Variants in BEND2 observed in about 807,000 individuals in gnomAD.
BEND2 encodes the protein BEN domain containing 2, also known as BEN domain-containing protein 2.
Under a neutral mutation model 43.8 loss-of-function variants are expected in BEND2, and 19 were observed. The observed-to-expected ratio is 0.43, with a 90% CI of 0.30 to 0.64. The LOEUF is 0.64. Ranked by LOEUF, BEND2 falls within the 30% of genes least tolerant of loss-of-function variation. The pLI, the probability that BEND2 is intolerant of heterozygous loss-of-function variation, is 0.11. For synonymous variants in BEND2, 226 were observed against 210.1 expected (o/e 1.08, Z -0.66); for missense variants, 544 against 574.0 (o/e 0.95, Z 0.53).
chrX:18,193,701 G>A (rs1924851580), intron 7 of BEND2, among the ~76,000 whole-genome samples: 1 of 111,807 alleles, frequency 8.9e-6, no homozygotes, highest in African/African-American at 3.2e-5. Context: ...TTTACATTAA[G>A]GACGTTGATG....
At chrX:18,168,305 G>A (rs776235113) in intron 13 of BEND2, among the ~76,000 whole-genome samples, 97 of 112,278 alleles carry the variant, frequency 8.6e-4, no homozygotes, top group Non-Finnish European at 1.6e-3. Context: ...CTGCTTGAAG[G>A]CCCAACCTCT....
chrX:18,189,742 T>C (rs1261735946), intron 8 of BEND2, among the ~76,000 whole-genome samples: 2 of 111,506 alleles, frequency 1.8e-5, no homozygotes, highest in African/African-American at 3.3e-5. Context: ...TGAAGAGCCA[T>C]ACATCATTTC....
chrX:18,190,952 A>G, intron 8 of BEND2, 49 bp downstream of exon 8: 2 of 1,045,152 alleles, frequency 1.9e-6, no homozygotes, highest in South Asian at 4.2e-5. Flanking sequence ...GTATTCTTTC[A>G]ATCTAGATTA....
At chrX:18,214,840 G>GA (rs1227095043) in intron 2 of BEND2, among the ~76,000 whole-genome samples, 2 of 83,565 alleles carry the variant, frequency 2.4e-5, no homozygotes, top group African/African-American at 8.8e-5. Context: ...AAAAAAGAAA[G>GA]AAAAAAAAAT....
At chrX:18,177,429 A>C in intron 10 of BEND2, 140 bp downstream of exon 10, 1 of 608,629 alleles carries the variant, frequency 1.6e-6, no homozygotes, top group Admixed American at 3.1e-5. Flanking sequence ...TTGTAAAATC[A>C]GGGTCAGACA....
rs773415870 is a variant in BEND2, at chrX:18,173,628, G to A, written c.1981+402C>T. Among the ~76,000 whole-genome samples, 10 of 111,429 alleles carry A rather than the reference G, an allele frequency of 9.0e-5. No homozygotes were observed. In the South Asian group the frequency reaches 2.3e-3, roughly 26 times the overall value. ...GAGGTGCCTTCAGCAGTTTAGCAGC[G>A]GGAGCACAATGTTCTGAGAGATGAG... is the stretch of plus-strand genomic sequence containing the variant. On this transcript the variant is annotated intron_variant, in intron 12 of 13. Coordinates refer to ENST00000380033, the MANE Select transcript of BEND2 (RefSeq NM_153346.5).
At chrX:18,205,823 G>A (rs766861463) in intron 4 of BEND2, among the ~76,000 whole-genome samples, 18 of 110,445 alleles carry the variant, frequency 1.6e-4, no homozygotes, top group Non-Finnish European at 3.0e-4. Context: ...CTCTGGAGTC[G>A]GAAACTCTGA....
At chrX:18,216,795 G>T in intron 1 of BEND2, 62 bp from the exon 2 acceptor site, 1 of 875,647 alleles carries the variant, frequency 1.1e-6, no homozygotes, top group Non-Finnish European at 1.6e-6. Flanking sequence ...GTTTCTTGAG[G>T]AAGCTACCTT....
chrX:18,215,899 G>C (rs994258247), intron 2 of BEND2, among the ~76,000 whole-genome samples: 5 of 112,217 alleles, frequency 4.5e-5, no homozygotes, highest in Non-Finnish European at 9.4e-5. Flanking sequence ...CTCTGTACAA[G>C]TGAGGATGTG....
rs1380264004 is a variant in BEND2 at position 18,194,208 on chromosome X, CTGTT to C, written c.1180+1084_1180+1087del. On this transcript the variant is annotated intron_variant, in intron 7 of 13. Transcript: ENST00000380033. ...ACAATAGTACAGCCTCTCTAGGAAA[CTGTT>C]TGGCAGTTTCTTATAAAACTAAACA... Among the ~76,000 whole-genome samples the C allele has an allele frequency of 3.6e-5, 4 of 111,701 alleles. No individual in the cohort carries two copies. The South Asian group carries it at 1.1e-3, about 31-fold the overall frequency.
intron 7 of BEND2, among the ~76,000 whole-genome samples, chrX:18,194,107 G>GAAGA (rs1372008347): frequency 8.9e-6 from 1 of 111,779 alleles, no homozygotes; most frequent in East Asian, 2.8e-4. Context: ...TATCAGGAAG[G>GAAGA]AAGAAAGAAT....
At chrX:18,204,627 C>T (rs748112424) in intron 4 of BEND2, among the ~76,000 whole-genome samples, 1 of 111,996 alleles carries the variant, frequency 8.9e-6, no homozygotes, top group South Asian at 3.8e-4. Context: ...CAAAAGTTCT[C>T]AAGCCATCAG....
At chrX:18,184,344 T>C (rs1924499635) in intron 8 of BEND2, among the ~76,000 whole-genome samples, 1 of 111,464 alleles carries the variant, frequency 9.0e-6, no homozygotes, top group Non-Finnish European at 1.9e-5. Flanking sequence ...TAGCCGGGCA[T>C]GGTGATGCAC....
At chrX:18,173,867 C>G (rs1053036105) in intron 12 of BEND2, among the ~76,000 whole-genome samples, 163 bp downstream of exon 12, 1 of 112,021 alleles carries the variant, frequency 8.9e-6, no homozygotes, top group Non-Finnish European at 1.9e-5. Context: ...ATTTCATTAA[C>G]TCATTAATAA....
At chrX:18,189,590 G>A (rs925008215) in intron 8 of BEND2, among the ~76,000 whole-genome samples, 1 of 111,508 alleles carries the variant, frequency 9.0e-6, no homozygotes, top group Non-Finnish European at 1.9e-5. Flanking sequence ...AATGTGATAT[G>A]TCATATGAAC....
At chrX:18,178,471 A>G (rs1447062602) in intron 9 of BEND2, among the ~76,000 whole-genome samples, 2 of 112,265 alleles carry the variant, frequency 1.8e-5, no homozygotes, top group African/African-American at 6.5e-5. Flanking sequence ...GCTCTAAACC[A>G]TGAATCTTCT....
chrX:18,183,267 C>T (rs1207381855), intron 8 of BEND2, among the ~76,000 whole-genome samples: 1 of 110,026 alleles, frequency 9.1e-6, no homozygotes, highest in Non-Finnish European at 1.9e-5. Context: ...GAATTGAAAT[C>T]ATATAGAGTA....
chrX:18,185,122 A>C (rs1047204450), intron 8 of BEND2, among the ~76,000 whole-genome samples: 1 of 110,159 alleles, frequency 9.1e-6, no homozygotes, highest in Non-Finnish European at 1.9e-5. Flanking sequence ...AAAAGACAAA[A>C]GAAAAAAGAA....
rs1417999751 is a variant in BEND2, at chrX:18,203,776, A to G, written c.632T>C (p.Ile211Thr). 2 of 1,209,771 alleles carry G rather than the reference A, an allele frequency of 1.7e-6. No homozygotes were observed. The highest frequency in any genetic ancestry group is 3.5e-5 in the African/African-American group (2 of 57,257). Residue 211 changes from isoleucine (I) to threonine (T), a missense_variant, in exon 5 of 14, where the codon ATT (isoleucine) becomes ACT (threonine). Around this residue, in one of 2 missense-constraint regions of BEND2, gnomAD observed 501 missense variants for 501.6 expected, o/e 1.00. Transcript: ENST00000380033. Reference protein sequence around the residue: ...DLSESLSYPRIVSSSSLQQYV... With the variant: ...DLSESLSYPRTVSSSSLQQYV... ...CTGCTGTAATGAACTTGAGGAGACA[A>G]TTCTGGGATATGATAAACTCTCACT... is the stretch of plus-strand genomic sequence containing the variant.
Sources: allele counts gnomAD v4.1 joint callset (sites outside exome capture counted in the v4.1 genomes callset), GRCh38; gene constraint gnomAD v4.1.1; regional missense constraint gnomAD v4.1.1; transcripts MANE v1.5; gene names NCBI Gene and HGNC (gene_info 2026-07-23, HGNC 2026-07-21).